Variants in NEGR1 observed in about 807,000 individuals in gnomAD.
The protein encoded by NEGR1 is neuronal growth regulator 1.
In NEGR1, 10 loss-of-function variants were observed where a neutral mutation model predicts 40.9. The observed-to-expected ratio is 0.24, with a 90% CI of 0.15 to 0.42. The LOEUF (loss-of-function observed/expected upper bound fraction) is 0.42, where lower values mean the gene tolerates loss of function less well. Ranked by LOEUF, NEGR1 falls within the 10% of genes least tolerant of loss-of-function variation. The pLI is 1.00. For synonymous variants in NEGR1, 185 were observed against 166.8 expected, an observed-to-expected ratio of 1.11 and a Z score of -0.84; for missense variants, 352 against 438.9, an observed-to-expected ratio of 0.80 and a Z score of 1.77.
intron 2 of NEGR1, among the ~76,000 whole-genome samples, chr1:71,886,759 G>T (rs1192309247): frequency 2.0e-5 from 3 of 152,084 alleles, no homozygotes; most frequent in African/African-American, 7.2e-5. Flanking sequence ...TTTTTTACGT[G>T]TATTCCATTT....
At chr1:71,739,930 G>A (rs1655162542) in intron 3 of NEGR1, among the ~76,000 whole-genome samples, 1 of 152,234 alleles carries the variant, frequency 6.6e-6, no homozygotes, top group East Asian at 1.9e-4. Flanking sequence ...GCATCCTCAT[G>A]TTCCCAAAAC....
At chr1:71,693,778 C>T (rs888154486) in intron 4 of NEGR1, among the ~76,000 whole-genome samples, 1 of 151,442 alleles carries the variant, frequency 6.6e-6, no homozygotes, top group South Asian at 2.1e-4. Flanking sequence ...GAGTGGAGAA[C>T]AGATGGCCTC....
rs1553138421 is a variant in NEGR1 at position 72,087,439 on chromosome 1, A to AT, written c.177-152129_177-152128insA. Among the ~76,000 whole-genome samples the AT allele has an allele frequency of 3.2e-3, 479 of 149,568 alleles. 1 individual carries two copies. Among genetic ancestry groups the AT allele is most frequent in the African/African-American group, 7.0e-3 (285 of 40,774 alleles). On this transcript the variant is annotated intron_variant, in intron 1 of 6. Coordinates refer to ENST00000357731, the MANE Select transcript of NEGR1 (RefSeq NM_173808.3). ...GAGTGAGATGCTGTCTCAAAAAAAA[A>AT]ATATATATATATATATTATTACTTA...
At chr1:71,545,314 C>A (rs1647856627) in intron 6 of NEGR1, among the ~76,000 whole-genome samples, 1 of 151,638 alleles carries the variant, frequency 6.6e-6, no homozygotes, top group African/African-American at 2.4e-5. Flanking sequence ...AACCTACACA[C>A]CCCTCCTTTT....
chr1:71,583,727 T>C (rs920596827), intron 6 of NEGR1, among the ~76,000 whole-genome samples: 2 of 152,168 alleles, frequency 1.3e-5, no homozygotes, highest in Non-Finnish European at 2.9e-5. Flanking sequence ...TTCTGCCCGT[T>C]TTAGGAAAAC....
chr1:71,818,348 G>A (rs1395758972), intron 2 of NEGR1, among the ~76,000 whole-genome samples: 1 of 151,958 alleles, frequency 6.6e-6, no homozygotes, highest in African/African-American at 2.4e-5. Flanking sequence ...GGAATACTAT[G>A]CAGCCATTAA....
At chr1:71,789,728 GC>G (rs1657042657) in intron 2 of NEGR1, among the ~76,000 whole-genome samples, 1 of 151,976 alleles carries the variant, frequency 6.6e-6, no homozygotes, top group South Asian at 2.1e-4. Context: ...AATTCCTTGG[GC>G]ATTCGTGCTC....
At chr1:71,461,687 CTGGAAAGAGGCAATCTACA>C (rs1646715656) in intron 6 of NEGR1, 1 of 152,096 alleles carries the variant, frequency 6.6e-6, no homozygotes. Context: ...TACGATGGCC[CTGGAAAGAGGCAATCTACA>C]TTTATGGCTG....
chr1:72,208,942 T>C (rs1429095870), intron 1 of NEGR1, among the ~76,000 whole-genome samples: 2 of 151,524 alleles, frequency 1.3e-5, no homozygotes, highest in African/African-American at 2.4e-5. Context: ...GTTAAAAAAA[T>C]AGAAAAAAAT....
chr1:72,235,054 T>C (rs1194427251), intron 1 of NEGR1, among the ~76,000 whole-genome samples: 3 of 152,124 alleles, frequency 2.0e-5, no homozygotes, highest in African/African-American at 7.2e-5. Context: ...AAATATGTTA[T>C]ATATACACCA....
chr1:71,931,492 C>T (rs1645855062), intron 2 of NEGR1, among the ~76,000 whole-genome samples: 1 of 152,064 alleles, frequency 6.6e-6, no homozygotes, highest in Non-Finnish European at 1.5e-5. Flanking sequence ...AGTCCAACAG[C>T]ATAGTACCAG....
intron 1 of NEGR1, among the ~76,000 whole-genome samples, chr1:72,139,013 A>G (rs967817226): frequency 2.0e-5 from 3 of 151,950 alleles, no homozygotes; most frequent in African/African-American, 4.8e-5. Context: ...CTCATTCCAC[A>G]ATAAAATTAA....
chr1:72,003,278 T>A (rs531612927), intron 1 of NEGR1, among the ~76,000 whole-genome samples: 2 of 151,854 alleles, frequency 1.3e-5, no homozygotes, highest in African/African-American at 4.8e-5. Flanking sequence ...TGGTACAATA[T>A]TGACTTTTAC....
rs143679322 is a variant in NEGR1 at position 71,988,834 on chromosome 1, G to A, written c.177-53523C>T. On this transcript the variant is annotated intron_variant, in intron 1 of 6. Transcript: ENST00000357731. The stretch of plus-strand genomic sequence containing the variant: ...TAAAACATAAAATAGCTATGGCCAC[G>A]CAGCTAAACATCCATTATTTGGAAT... Among the ~76,000 whole-genome samples the A allele has an allele frequency of 9.4e-3, 1,368 of 145,710 alleles. 20 individuals are homozygous for A. The highest frequency in any genetic ancestry group is 0.034 in the African/African-American group (1,318 of 39,196).
chr1:71,933,310 T>C (rs548355597), intron 2 of NEGR1, among the ~76,000 whole-genome samples: 14 of 152,178 alleles, frequency 9.2e-5, no homozygotes, highest in Non-Finnish European at 1.8e-4. Flanking sequence ...TAAATACCGA[T>C]AGTCTGGGTA....
intron 5 of NEGR1, among the ~76,000 whole-genome samples, chr1:71,594,766 C>A (rs610876): frequency 0.95 from 143,994 of 152,270 alleles, 68,491 homozygotes; most frequent in Non-Finnish European, 1. Flanking sequence ...TTAACTAATC[C>A]GTATATATGC....
intron 1 of NEGR1, among the ~76,000 whole-genome samples, chr1:72,077,521 A>G (rs955594806): frequency 5.3e-5 from 8 of 152,074 alleles, no homozygotes. Context: ...TGGGTGCAGT[A>G]GTTCATGCCT....
chr1:71,722,143 A>T (rs150481264), intron 3 of NEGR1, among the ~76,000 whole-genome samples: 41 of 152,194 alleles, frequency 2.7e-4, no homozygotes, highest in African/African-American at 9.1e-4. Context: ...CTCTCTGGAG[A>T]ATAGATTGAG....
At chr1:72,062,846 C>T (rs2100496516) in intron 1 of NEGR1, among the ~76,000 whole-genome samples, 1 of 151,980 alleles carries the variant, frequency 6.6e-6, no homozygotes, top group East Asian at 2.0e-4. Context: ...AGGGACTGCC[C>T]ACATGGCATT....
Sources: gnomAD v4.1 joint callset for allele counts (sites outside exome capture counted in the v4.1 genomes callset) on GRCh38, gnomAD v4.1.1 for gene constraint, MANE v1.5 for transcripts, NCBI Gene and HGNC (gene_info 2026-07-23, HGNC 2026-07-21) for gene names.